The following FAM222A variants were observed in gnomAD, a reference collection of about 807,000 sequenced individuals.
The protein encoded by FAM222A is protein FAM222A.
A neutral mutation model predicts 25.8 loss-of-function variants in FAM222A; 7 were observed. The ratio of observed to expected loss-of-function variants is 0.27; its 90% CI spans 0.15 to 0.51. The LOEUF (loss-of-function observed/expected upper bound fraction) is 0.51. Ranked by LOEUF, FAM222A falls within the 20% of genes least tolerant of loss-of-function variation. The pLI, the probability that FAM222A is intolerant of heterozygous loss-of-function variation, is 0.97. For synonymous variants in FAM222A, 294 were observed against 298.8 expected, an observed-to-expected ratio of 0.98 and a Z score of 0.17; for missense variants, 573 against 640.5, an observed-to-expected ratio of 0.89 and a Z score of 1.14.
intron 1 of FAM222A, among the ~76,000 whole-genome samples, chr12:109,738,018 A>G (rs11068049): frequency 0.18 from 27,628 of 151,956 alleles, 2,719 homozygotes; most frequent in Middle Eastern, 0.28. Context: ...AGAAAGAGAG[A>G]GAGACAGCAG....
chr12:109,745,920 T>C (rs890002135), intron 2 of FAM222A, among the ~76,000 whole-genome samples: 1 of 152,034 alleles, frequency 6.6e-6, no homozygotes, highest in Non-Finnish European at 1.5e-5. Context: ...TTTTTTTTTT[T>C]AATTGGGTGG....
chr12:109,738,126 G>A (rs565109342), intron 1 of FAM222A, among the ~76,000 whole-genome samples: 36 of 152,316 alleles, frequency 2.4e-4, no homozygotes, highest in South Asian at 1.0e-3. Context: ...TCTTCCTGTC[G>A]TGGGAGCCCC....
At chr12:109,739,271 T>C (rs944263361) in intron 1 of FAM222A, among the ~76,000 whole-genome samples, 1 of 152,210 alleles carries the variant, frequency 6.6e-6, no homozygotes, top group Non-Finnish European at 1.5e-5. Flanking sequence ...GAGGGAAAGT[T>C]CCAGATGCCT....
At position 109,717,747 on chromosome 12, in the gene FAM222A, T is replaced by C. The variant is rs1485454812; in HGVS notation, c.-47+2850T>C. The stretch of plus-strand genomic sequence containing the variant: ...AGCGTGGAAGTGGCCACCTCGGTTC[T>C]GGGGGCAGTCTCCTCTCTTAAGGTT... On this transcript the variant is annotated intron_variant, in intron 1 of 2. Transcript: ENST00000538780. Among the ~76,000 whole-genome samples the C allele has an allele frequency of 3.9e-5, 6 of 152,310 alleles. No homozygotes were observed. The South Asian group carries it at 1.2e-3, about 32-fold the overall frequency.
intron 1 of FAM222A, among the ~76,000 whole-genome samples, chr12:109,743,728 A>T (rs998090014): frequency 2.6e-5 from 4 of 151,946 alleles, no homozygotes; most frequent in Non-Finnish European, 5.9e-5. Flanking sequence ...TGACTTGCTT[A>T]CAGGGGGCCA....
At chr12:109,763,119 C>G (rs1388233228) in intron 2 of FAM222A, among the ~76,000 whole-genome samples, 1 of 152,180 alleles carries the variant, frequency 6.6e-6, no homozygotes, top group African/African-American at 2.4e-5. Context: ...CTGTCCTCCT[C>G]CTGATTCTAG....
In FAM222A at chr12:109,726,929, A is replaced by G. The variant is rs939164114; in HGVS notation, c.-47+12032A>G. Reference sequence around the variant, plus strand: ...TCTCACCAGACCTCTGACAGTCCAAAAAGTTGGGTGTGCTATCGTCATGGT... The same window carrying G: ...TCTCACCAGACCTCTGACAGTCCAAGAAGTTGGGTGTGCTATCGTCATGGT... On this transcript the variant is annotated intron_variant, in intron 1 of 2. Transcript: ENST00000538780. Among the ~76,000 whole-genome samples, 9 of 152,260 alleles carry G rather than the reference A, an allele frequency of 5.9e-5. No homozygotes were observed. The East Asian group carries it at 1.7e-3, about 29-fold the overall frequency.
chr12:109,723,723 G>A (rs1055922494), intron 1 of FAM222A, among the ~76,000 whole-genome samples: 2 of 152,200 alleles, frequency 1.3e-5, no homozygotes, highest in Non-Finnish European at 1.5e-5. Context: ...GCATCGCATC[G>A]GCCTGGGCCC....
rs1888320904 is a variant in FAM222A at position 109,744,116 on chromosome 12, G to A, written c.-31G>A. The A allele has an allele frequency of 1.9e-6, 3 of 1,608,558 alleles. No homozygotes were observed. Among genetic ancestry groups the A allele is most frequent in the East Asian group, 2.2e-5 (1 of 44,830 alleles). The stretch of plus-strand genomic sequence containing the variant: ...CCTCCTGCAGGGACCCAGTCGCAGA[G>A]CGCACCCCACTGGGGACCCCCAGCT... On this transcript the variant is annotated 5_prime_UTR_variant, in exon 2 of 3. Coordinates refer to ENST00000538780, the MANE Select transcript of FAM222A (RefSeq NM_032829.3).
intron 2 of FAM222A, among the ~76,000 whole-genome samples, chr12:109,760,779 C>G (rs1041914405): frequency 2.0e-5 from 3 of 152,200 alleles, no homozygotes; most frequent in African/African-American, 7.2e-5. Context: ...CTGGAGGGAA[C>G]AGTCAACAGA....
In FAM222A at chr12:109,769,500, C is replaced by T. The variant is rs1889182709; in HGVS notation, c.*212C>T. ...AAGGCCCCTCCCCACCATCGGTTGC[C>T]CCAGGACACAGTGAGGGCCTGGGGG... On this transcript the variant is annotated 3_prime_UTR_variant, in exon 3 of 3. Coordinates refer to ENST00000538780, the MANE Select transcript of FAM222A (RefSeq NM_032829.3). 3 of 614,048 alleles carry T rather than the reference C, an allele frequency of 4.9e-6. No individual in the cohort carries two copies. The highest frequency in any genetic ancestry group is 3.7e-5 in the African/African-American group (2 of 54,104). 38.0% of individuals were successfully genotyped at this position (614,048 alleles called of 1,614,324 possible). A position where few individuals can be genotyped will look rare whatever the true frequency, so the allele number is the denominator to read the frequency against.
At chr12:109,720,186 G>T (rs1228154510) in intron 1 of FAM222A, 1 of 985,334 alleles carries the variant, frequency 1.0e-6, no homozygotes, top group Non-Finnish European at 1.2e-6. Context: ...GCAGCTGTTT[G>T]GGGCCCTGGG....
intron 2 of FAM222A, among the ~76,000 whole-genome samples, chr12:109,746,474 G>A (rs1392225654): frequency 2.0e-5 from 3 of 151,876 alleles, no homozygotes; most frequent in African/African-American, 4.8e-5. Flanking sequence ...GGGCAACAGA[G>A]TGAGACTTGG....
Position 109,768,013 on chromosome 12 carries a change from C to T in FAM222A, c.84C>T (p.Cys28=), listed in dbSNP as rs754700442. ...CPSKSLELRK[C]EAVASAMHSS... ...CTCACACCTGCTTTCCTCCCACAGG[C>T]GAGGCGGTGGCCAGCGCCATGCATT... Residue 28 remains cysteine, a splice_region_variant and synonymous_variant, in exon 3 of 3, where the codon TGC becomes TGT. Transcript: ENST00000538780. 1.2e-5 allele frequency: 20 copies of T among 1,610,820 alleles called. No individual in the cohort carries two copies. The highest frequency in any genetic ancestry group is 8.8e-5 in the South Asian group (8 of 90,866).
chr12:109,715,235 C>CA (rs1346141041), intron 1 of FAM222A, among the ~76,000 whole-genome samples: 1 of 152,168 alleles, frequency 6.6e-6, no homozygotes, highest in African/African-American at 2.4e-5. Context: ...GGGTGGGGGG[C>CA]ACCCAGGATG....
chr12:109,767,944 C>T (rs1256099982), intron 2 of FAM222A, 68 bp from the exon 3 acceptor site: 4 of 1,487,108 alleles, frequency 2.7e-6, no homozygotes, highest in Non-Finnish European at 3.7e-6. Context: ...GGGCGGGACT[C>T]GTGAGCCCTG....
chr12:109,742,495 C>T (rs997753122), intron 1 of FAM222A, among the ~76,000 whole-genome samples: 16 of 152,088 alleles, frequency 1.1e-4, no homozygotes, highest in African/African-American at 3.1e-4. Context: ...AAATCAAAGC[C>T]GGGAAGTGGA....
chr12:109,769,111 G>A lies in FAM222A; in HGVS notation c.1182G>A (p.Lys394=), dbSNP rs531851071. The A allele has an allele frequency of 1.2e-6, 2 of 1,611,314 alleles. No individual in the cohort carries two copies. The highest frequency in any genetic ancestry group is 1.1e-5 in the South Asian group (1 of 90,772). ...PADALSGLPS[K]SVCNTSVLSS... is the part of the protein sequence containing the mutation. ...ATGCCCTCTCGGGCCTGCCCAGCAA[G>A]AGTGTGTGCAACACATCGGTGCTGA... The change falls in exon 3 of 3, where the codon AAG becomes AAA. Residue 394 remains lysine, a synonymous_variant. Coordinates refer to ENST00000538780, the MANE Select transcript of FAM222A (RefSeq NM_032829.3).
intron 1 of FAM222A, among the ~76,000 whole-genome samples, chr12:109,737,580 A>G (rs1367413224): frequency 1.6e-5 from 2 of 122,058 alleles, no homozygotes; most frequent in Non-Finnish European, 3.4e-5. Flanking sequence ...CCCAGCCCCC[A>G]ACCTTAAAAA....
Sources: gnomAD v4.1 joint callset for allele counts (sites outside exome capture counted in the v4.1 genomes callset) on GRCh38, gnomAD v4.1.1 for gene constraint, MANE v1.5 for transcripts, NCBI Gene and HGNC (gene_info 2026-07-23, HGNC 2026-07-21) for gene names.